The following SMIM13 variants were observed in gnomAD, a reference collection of about 807,000 sequenced individuals.
SMIM13 encodes small integral membrane protein 13.
Under a neutral mutation model 5.9 loss-of-function variants are expected in SMIM13, and 3 were observed. That is an observed-to-expected ratio of 0.51 (90% confidence interval 0.23 to 1.31). The LOEUF is 1.31. Among genes scored for constraint, SMIM13 ranks in the 40% most tolerant of loss-of-function variants. The probability of loss-of-function intolerance (pLI) is 0.18; values close to 1 mark genes in which losing one functional copy is unlikely to be tolerated. For synonymous variants in SMIM13, 55 were observed against 46.0 expected (o/e 1.19, Z -0.79); for missense variants, 85 against 109.9 (o/e 0.77, Z 1.01).
At chr6:11,116,373 A>G (rs1465453864) in intron 1 of SMIM13, among the ~76,000 whole-genome samples, 1 of 152,152 alleles carries the variant, frequency 6.6e-6, no homozygotes, top group African/African-American at 2.4e-5. Context: ...CACATTCAAG[A>G]GGAGGAGTCA....
In SMIM13 at chr6:11,137,475, G is replaced by C. The variant is rs926116821; in HGVS notation, c.*2873G>C. 6.6e-6 allele frequency: 1 copy of C among 151,996 alleles called. No individual in the cohort carries two copies. Among genetic ancestry groups the C allele is most frequent in the Non-Finnish European group, 1.5e-5 (1 of 67,956 alleles). 9.4% of individuals were successfully genotyped at this position (151,996 alleles called of 1,614,324 possible). ...ACATTTGCAGTCTCAGTGGGAGGTG[G>C]ACTAGCCTGTGGTTAATTTTAGAGC... On this transcript the variant is annotated 3_prime_UTR_variant, in exon 2 of 2. Coordinates refer to ENST00000416247, the MANE Select transcript of SMIM13 (RefSeq NM_001135575.2).
intron 1 of SMIM13, among the ~76,000 whole-genome samples, chr6:11,115,256 A>ACAGTTATT (rs780437319): frequency 1.3e-5 from 2 of 152,218 alleles, no homozygotes; most frequent in Non-Finnish European, 1.5e-5. Context: ...AAGACAACGC[A>ACAGTTATT]CAGTTATTAG....
chr6:11,137,262 A>G lies in SMIM13; in HGVS notation c.*2660A>G, dbSNP rs1050568381. On this transcript the variant is annotated 3_prime_UTR_variant, in exon 2 of 2. Transcript: ENST00000416247. ...ATCACTGATGCCAATATGAAGATCT[A>G]TAAACAAATCCTTTGTTTAGAACTT... 6.6e-6 allele frequency: 1 copy of G among 152,192 alleles called. No homozygotes were observed. Among genetic ancestry groups the G allele is most frequent in the Non-Finnish European group, 1.5e-5 (1 of 68,008 alleles). The allele number at this position is 152,192 out of a possible 1,614,324, so 9.4% of individuals were successfully genotyped here.
chr6:11,103,602 T>C, intron 1 of SMIM13: 6 of 1,455,922 alleles, frequency 4.1e-6, no homozygotes, highest in South Asian at 1.5e-5. Flanking sequence ...GCTCTGTGGA[T>C]TGGCAAAAAC....
At chr6:11,103,542 A>G (rs919789292) in intron 1 of SMIM13, 27 of 1,118,058 alleles carry the variant, frequency 2.4e-5, no homozygotes, top group Middle Eastern at 2.1e-4. Flanking sequence ...GAGGGGCTGT[A>G]GTGGTTGTTC....
chr6:11,128,154 T>G (rs1758402199), intron 1 of SMIM13, among the ~76,000 whole-genome samples: 1 of 152,004 alleles, frequency 6.6e-6, no homozygotes, highest in Non-Finnish European at 1.5e-5. Context: ...TGGCTCTGAG[T>G]CTCACTCAAG....
chr6:11,094,310 C>G lies in SMIM13; in HGVS notation c.-4C>G, dbSNP rs566006460. 3.6e-4 allele frequency: 536 copies of G among 1,491,192 alleles called. 8 individuals carry two copies. The South Asian group carries it at 6.5e-3, about 18-fold the overall frequency. The allele number at this position is 1,491,192 out of a possible 1,614,324, so 92.4% of individuals were successfully genotyped here. A position where few individuals can be genotyped will look rare whatever the true frequency, so the allele number is the denominator to read the frequency against. The stretch of plus-strand genomic sequence containing the variant: ...CCCGAGCCGACTGCCCTTCTGCCCC[C>G]AAGATGTGGCACAGCGTCGGGCTGA... On this transcript the variant is annotated 5_prime_UTR_variant, in exon 1 of 2. Transcript: ENST00000416247.
At chr6:11,099,108 C>T (rs1757960412) in intron 1 of SMIM13, among the ~76,000 whole-genome samples, 1 of 152,124 alleles carries the variant, frequency 6.6e-6, no homozygotes, top group African/African-American at 2.4e-5. Context: ...TAAATGTCTG[C>T]TCTAGCTAAT....
intron 1 of SMIM13, among the ~76,000 whole-genome samples, chr6:11,099,609 T>C (rs1757966697): frequency 6.6e-6 from 1 of 152,240 alleles, no homozygotes; most frequent in Non-Finnish European, 1.5e-5. Flanking sequence ...AGACACTCAA[T>C]AAACATTTGT....
At chr6:11,110,777 T>C (rs1294555335) in intron 1 of SMIM13, among the ~76,000 whole-genome samples, 3 of 152,288 alleles carry the variant, frequency 2.0e-5, no homozygotes, top group African/African-American at 7.2e-5. Flanking sequence ...CCTCTTGATA[T>C]AAAGGAGGAA....
In SMIM13 at chr6:11,134,789, C is replaced by G. The variant is rs193252144; in HGVS notation, c.*187C>G. 4.2e-4 allele frequency: 182 copies of G among 431,978 alleles called. No individual in the cohort carries two copies. The highest frequency in any genetic ancestry group is 3.3e-3 in the African/African-American group (163 of 49,266). 26.8% of individuals were successfully genotyped at this position (431,978 alleles called of 1,614,324 possible). A position where few individuals can be genotyped will look rare whatever the true frequency, so the allele number is the denominator to read the frequency against. ...CAAATTGGACTATTATAAATTTCAT[C>G]TTAAAGATAATCTTTTGTTTCACCA... On this transcript the variant is annotated 3_prime_UTR_variant, in exon 2 of 2. Coordinates refer to ENST00000416247, the MANE Select transcript of SMIM13 (RefSeq NM_001135575.2).
intron 1 of SMIM13, among the ~76,000 whole-genome samples, chr6:11,124,929 A>G (rs1050160917): frequency 6.6e-6 from 1 of 152,138 alleles, no homozygotes; most frequent in African/African-American, 2.4e-5. Context: ...TTTGAAGGAT[A>G]TTTTTGCTCG....
intron 1 of SMIM13, among the ~76,000 whole-genome samples, chr6:11,109,601 G>A (rs1355237445): frequency 6.6e-6 from 1 of 152,158 alleles, no homozygotes; most frequent in African/African-American, 2.4e-5. Context: ...CCAGCACATA[G>A]GGGATTTCTG....
intron 1 of SMIM13, among the ~76,000 whole-genome samples, chr6:11,121,132 T>C (rs1334467792): frequency 6.6e-6 from 1 of 152,222 alleles, no homozygotes; most frequent in Non-Finnish European, 1.5e-5. Context: ...TGGCATACAA[T>C]GCGATACTGA....
intron 1 of SMIM13, among the ~76,000 whole-genome samples, chr6:11,113,187 TTTCATTTCTCTTGAGTAAC>T (rs1217029768): frequency 6.6e-6 from 1 of 152,188 alleles, no homozygotes; most frequent in Non-Finnish European, 1.5e-5. Context: ...AGACATATGT[TTTCATTTCTCTTGAGTAAC>T]TTCATTTCTC....
At chr6:11,117,321 G>A (rs1284091726) in intron 1 of SMIM13, among the ~76,000 whole-genome samples, 2 of 139,814 alleles carry the variant, frequency 1.4e-5, no homozygotes, top group Non-Finnish European at 3.1e-5. Flanking sequence ...CCGCCACTAC[G>A]CCCGGCTAAT....
intron 1 of SMIM13, chr6:11,104,144 G>C (rs1340629132): frequency 1.3e-6 from 2 of 1,549,790 alleles, no homozygotes; most frequent in Admixed American, 3.9e-5. Flanking sequence ...CAATGTTGTT[G>C]GCTATTTCCT....
At chr6:11,113,254 T>C (rs191639195) in intron 1 of SMIM13, among the ~76,000 whole-genome samples, 65 of 152,386 alleles carry the variant, frequency 4.3e-4, no homozygotes, top group African/African-American at 1.3e-3. Context: ...CCAGCAGTCA[T>C]GAGTGAGAAT....
intron 1 of SMIM13, among the ~76,000 whole-genome samples, chr6:11,100,236 A>G (rs955673174): frequency 1.3e-5 from 2 of 151,248 alleles, no homozygotes; most frequent in Non-Finnish European, 2.9e-5. Context: ...AATTTTTTGT[A>G]CTTTTAGTGG....
Sources: gnomAD v4.1 joint callset for allele counts (sites outside exome capture counted in the v4.1 genomes callset) on GRCh38, gnomAD v4.1.1 for gene constraint, MANE v1.5 for transcripts, NCBI Gene and HGNC (gene_info 2026-07-23, HGNC 2026-07-21) for gene names.